The following ZRANB3 variants were observed in gnomAD, a reference collection of about 807,000 sequenced individuals.
The protein encoded by ZRANB3 is zinc finger RANBP2-type containing 3, also known as DNA annealing helicase and endonuclease ZRANB3.
In ZRANB3, 125 loss-of-function variants were observed where a neutral mutation model predicts 133.8. That is an observed-to-expected ratio of 0.93 (90% CI 0.81 to 1.08). The LOEUF is 1.08. ZRANB3 is among the 50% of genes least tolerant of loss of function. ZRANB3 has a pLI of 0.00. For synonymous variants in ZRANB3, 387 were observed against 432.7 expected, an observed-to-expected ratio of 0.89 and a Z score of 1.31; for missense variants, 1,229 against 1,275.5, an observed-to-expected ratio of 0.96 and a Z score of 0.56.
chr2:135,198,777 C>T lies in ZRANB3; in HGVS notation c.*1565G>A, dbSNP rs373583686. 5 of 152,318 alleles carry T rather than the reference C, an allele frequency of 3.3e-5. No individual in the cohort carries two copies. In the East Asian group the frequency reaches 9.6e-4, roughly 29 times the overall value. 9.4% of individuals were successfully genotyped at this position (152,318 alleles called of 1,614,324 possible). On this transcript the variant is annotated 3_prime_UTR_variant, in exon 21 of 21. Coordinates refer to ENST00000264159, the MANE Select transcript of ZRANB3 (RefSeq NM_032143.4). ...AAGGAGGCCAAAGAAAGCCCAACTT[C>T]ATTTATAAAATAACCAACATGACTT... is the stretch of plus-strand genomic sequence containing the variant.
At chr2:135,357,705 C>T (rs1351711208) in intron 3 of ZRANB3, among the ~76,000 whole-genome samples, 1 of 152,152 alleles carries the variant, frequency 6.6e-6, no homozygotes, top group African/African-American at 2.4e-5. Context: ...TGCCACCATG[C>T]CCAGCCAAAA....
At chr2:135,376,402 C>T (rs576388860) in intron 3 of ZRANB3, among the ~76,000 whole-genome samples, 4 of 152,296 alleles carry the variant, frequency 2.6e-5, no homozygotes, top group South Asian at 2.1e-4. Context: ...TGAATATGTA[C>T]AGCAGCTTTA....
chr2:135,398,223 A>G (rs998281916), intron 2 of ZRANB3, among the ~76,000 whole-genome samples: 56 of 150,746 alleles, frequency 3.7e-4, no homozygotes, highest in African/African-American at 1.3e-3. Flanking sequence ...CCGCCACCAC[A>G]CCCGGCTAAT....
intron 6 of ZRANB3, among the ~76,000 whole-genome samples, chr2:135,343,010 C>CAAAAAAAAA (rs11435525): frequency 6.5e-4 from 36 of 55,164 alleles, no homozygotes; most frequent in East Asian, 1.0e-3. Context: ...ACTAAAAATC[C>CAAAAAAAAA]AAAAAAAAAA....
intron 2 of ZRANB3, among the ~76,000 whole-genome samples, chr2:135,397,162 A>T: frequency 6.6e-6 from 1 of 151,786 alleles, no homozygotes; most frequent in East Asian, 1.9e-4. Context: ...AAACCAAGAG[A>T]CCGGACAAGG....
intron 2 of ZRANB3, among the ~76,000 whole-genome samples, chr2:135,450,196 G>C (rs1690204727): frequency 6.6e-6 from 1 of 151,320 alleles, no homozygotes; most frequent in Non-Finnish European, 1.5e-5. Flanking sequence ...ATTCTGGGAG[G>C]CAAAGCTTGC....
chr2:135,292,547 C>T (rs1681808075), intron 8 of ZRANB3, among the ~76,000 whole-genome samples: 1 of 152,166 alleles, frequency 6.6e-6, no homozygotes, highest in Non-Finnish European at 1.5e-5. Context: ...CTGTAGGTTG[C>T]CTGTTCACTC....
chr2:135,298,477 G>T (rs753749602), intron 8 of ZRANB3, among the ~76,000 whole-genome samples: 1 of 151,924 alleles, frequency 6.6e-6, no homozygotes, highest in Non-Finnish European at 1.5e-5. Flanking sequence ...GGGGCTCAAG[G>T]GTTGCTGTTC....
chr2:135,391,737 G>A (rs1442416896), intron 2 of ZRANB3, among the ~76,000 whole-genome samples: 1 of 151,778 alleles, frequency 6.6e-6, no homozygotes, highest in Non-Finnish European at 1.5e-5. Context: ...CTGTCACCAC[G>A]CCAGGCTAAT....
chr2:135,452,365 T>A (rs573159966), intron 2 of ZRANB3, among the ~76,000 whole-genome samples: 68 of 152,112 alleles, frequency 4.5e-4, no homozygotes, highest in Non-Finnish European at 8.8e-4. Context: ...ATTCCCCCCA[T>A]GGCCCCTCCA....
chr2:135,304,255 G>T (rs1468260465), intron 8 of ZRANB3, among the ~76,000 whole-genome samples: 3 of 152,122 alleles, frequency 2.0e-5, no homozygotes. Flanking sequence ...GCCTTTTATT[G>T]TGATAAAGAA....
intron 6 of ZRANB3, among the ~76,000 whole-genome samples, chr2:135,322,013 A>C (rs1683550482): frequency 6.6e-6 from 1 of 152,162 alleles, no homozygotes; most frequent in Non-Finnish European, 1.5e-5. Flanking sequence ...CCTAACCCAA[A>C]GTCCCAAATA....
chr2:135,271,739 T>C, intron 10 of ZRANB3, 29 bp downstream of exon 10: 2 of 1,591,194 alleles, frequency 1.3e-6, no homozygotes, highest in Non-Finnish European at 1.7e-6. Context: ...TGACATTTCA[T>C]AACCAAATTT....
In ZRANB3 at chr2:135,364,132, AGGAG is replaced by A. The variant is rs1340953720; in HGVS notation, c.181-10508_181-10505del. The stretch of plus-strand genomic sequence containing the variant: ...AAGGAGGGAAGGAAGAAGGGAAGGA[AGGAG>A]GGAGGGAAGGAAGGAAGGAAGGGGC... On this transcript the variant is annotated intron_variant, in intron 3 of 20. Transcript: ENST00000264159. Among the ~76,000 whole-genome samples the A allele has an allele frequency of 8.6e-5, 13 of 151,618 alleles. No individual in the cohort carries two copies. In the East Asian group the frequency reaches 2.3e-3, roughly 27 times the overall value.
At chr2:135,390,880 G>C (rs1463516623) in intron 2 of ZRANB3, 60 bp from the exon 3 acceptor site, 1 of 1,375,604 alleles carries the variant, frequency 7.3e-7, no homozygotes, top group African/African-American at 1.6e-5. Context: ...TTTTTTTTTT[G>C]AGATGGAGTC....
At chr2:135,412,307 G>A (rs1688344399) in intron 2 of ZRANB3, among the ~76,000 whole-genome samples, 2 of 152,042 alleles carry the variant, frequency 1.3e-5, no homozygotes, top group South Asian at 2.1e-4. Context: ...ATTCTGAGAG[G>A]CACTCAGTTT....
At chr2:135,380,456 A>G (rs60085161) in intron 3 of ZRANB3, among the ~76,000 whole-genome samples, 28,536 of 152,150 alleles carry the variant, frequency 0.19, 3,567 homozygotes, top group South Asian at 0.33. Context: ...AAATCACAAT[A>G]AACTGTCTCT....
intron 15 of ZRANB3, 42 bp downstream of exon 15, chr2:135,224,384 T>C (rs760072835): frequency 5.5e-6 from 8 of 1,465,280 alleles, no homozygotes; most frequent in Middle Eastern, 3.6e-4. Context: ...AAAAAGGAAG[T>C]CTTTTTTATG....
chr2:135,222,931 C>A (rs1344089875), intron 15 of ZRANB3, among the ~76,000 whole-genome samples: 4 of 151,162 alleles, frequency 2.6e-5, no homozygotes, highest in African/African-American at 9.7e-5. Context: ...GGCAACACAG[C>A]AAGACCCTCT....
Sources: gnomAD v4.1 joint callset for allele counts (sites outside exome capture counted in the v4.1 genomes callset) on GRCh38, gnomAD v4.1.1 for gene constraint, MANE v1.5 for transcripts, NCBI Gene and HGNC (gene_info 2026-07-23, HGNC 2026-07-21) for gene names.